Variants in CAPN13 observed in about 807,000 individuals in gnomAD.
The protein encoded by CAPN13 is calpain 13, also known as calpain-13.
In CAPN13, 90 loss-of-function variants were observed where a neutral mutation model predicts 98.4. The observed-to-expected ratio is 0.92, with a 90% CI of 0.77 to 1.09. CAPN13 has a LOEUF of 1.09. Ranked by LOEUF, CAPN13 falls within the 50% of genes least tolerant of loss-of-function variation. CAPN13 has a pLI of 0.00. For synonymous variants in CAPN13, 330 were observed against 305.5 expected (o/e 1.08, Z -0.84); for missense variants, 887 against 841.3 (o/e 1.05, Z -0.67).
intron 11 of CAPN13, among the ~76,000 whole-genome samples, chr2:30,750,303 T>C (rs919898162): frequency 6.6e-6 from 1 of 151,994 alleles, no homozygotes; most frequent in Non-Finnish European, 1.5e-5. Flanking sequence ...TGGGATCTAC[T>C]TGAGTGGGGA....
At chr2:30,763,502 T>C (rs1219554648) in intron 6 of CAPN13, among the ~76,000 whole-genome samples, 1 of 152,200 alleles carries the variant, frequency 6.6e-6, no homozygotes, top group African/African-American at 2.4e-5. Context: ...GACCCCCACA[T>C]TGGGAGTAAC....
intron 2 of CAPN13, among the ~76,000 whole-genome samples, chr2:30,785,456 C>T (rs183648770): frequency 1.1e-3 from 174 of 152,290 alleles, no homozygotes; most frequent in African/African-American, 3.4e-3. Context: ...AAAAATACCC[C>T]TGTCCCCAGT....
intron 7 of CAPN13, among the ~76,000 whole-genome samples, chr2:30,759,393 G>C (rs570281691): frequency 6.6e-6 from 1 of 152,278 alleles, no homozygotes; most frequent in South Asian, 2.1e-4. Flanking sequence ...GCCAACCCTT[G>C]AATCTGCATC....
At chr2:30,743,087 GCT>G in intron 13 of CAPN13, 1 of 421,300 alleles carries the variant, frequency 2.4e-6, no homozygotes. Context: ...TCAAAGCCCA[GCT>G]CACGTGTCAT....
At chr2:30,758,751 C>T (rs1672593133) in intron 7 of CAPN13, among the ~76,000 whole-genome samples, 1 of 139,576 alleles carries the variant, frequency 7.2e-6, no homozygotes, top group African/African-American at 2.8e-5. Context: ...AACTTCCCTC[C>T]CTCCCTCTCT....
chr2:30,795,399 T>C (rs539912507), intron 1 of CAPN13, among the ~76,000 whole-genome samples: 1 of 152,220 alleles, frequency 6.6e-6, no homozygotes, highest in Admixed American at 6.5e-5. Context: ...AGAGTTGCCA[T>C]TGCTATATAT....
chr2:30,729,628 T>A (rs1005765913), intron 22 of CAPN13: 1 of 152,194 alleles, frequency 6.6e-6, no homozygotes, highest in Non-Finnish European at 1.5e-5. Context: ...GAAATATGAT[T>A]GGGTCAAATT....
intron 5 of CAPN13, among the ~76,000 whole-genome samples, chr2:30,766,894 T>C (rs1378643752): frequency 6.6e-6 from 1 of 152,162 alleles, no homozygotes; most frequent in African/African-American, 2.4e-5. Flanking sequence ...GCAAGGAGAA[T>C]AGAAAGTTTA....
At chr2:30,723,574 T>C (rs1046069300) in intron 22 of CAPN13, among the ~76,000 whole-genome samples, 2 of 152,004 alleles carry the variant, frequency 1.3e-5, no homozygotes, top group East Asian at 1.9e-4. Context: ...GTTCCTCCCA[T>C]CTCCAGGCAG....
chr2:30,780,411 G>C (rs114288731), intron 2 of CAPN13, among the ~76,000 whole-genome samples: 309 of 152,376 alleles, frequency 2.0e-3, no homozygotes, highest in African/African-American at 7.0e-3. Flanking sequence ...TGCAAGGATA[G>C]TTTCACATCA....
Position 30,762,512 on chromosome 2 carries a change from C to T in CAPN13, c.774+570G>A, listed in dbSNP as rs535502846. On this transcript the variant is annotated intron_variant, in intron 7 of 22. Transcript: ENST00000295055. ...TTCCAATTCATGCCTTCTATATGGACGTATGAGTGTCTCCTGGCCTCTTTC... is the reference window on the plus strand; with the variant it reads ...TTCCAATTCATGCCTTCTATATGGATGTATGAGTGTCTCCTGGCCTCTTTC... Among the ~76,000 whole-genome samples the T allele has an allele frequency of 3.9e-5, 6 of 152,232 alleles. No homozygotes were observed. The South Asian group carries it at 6.2e-4, about 16-fold the overall frequency.
chr2:30,802,861 G>A, intron 1 of CAPN13, among the ~76,000 whole-genome samples: 1 of 152,218 alleles, frequency 6.6e-6, no homozygotes, highest in Non-Finnish European at 1.5e-5. Context: ...TCCAGAACAG[G>A]CAGGGAGCTG....
At chr2:30,731,488 C>T (rs1671093712) in intron 20 of CAPN13, 89 bp from the exon 21 acceptor site, 1 of 1,137,538 alleles carries the variant, frequency 8.8e-7, no homozygotes, top group African/African-American at 1.6e-5. Context: ...ATAAGAAGCA[C>T]AGGAGGTGAT....
At chr2:30,801,959 C>T (rs1675306316) in intron 1 of CAPN13, among the ~76,000 whole-genome samples, 1 of 152,198 alleles carries the variant, frequency 6.6e-6, no homozygotes, top group Non-Finnish European at 1.5e-5. Context: ...ATGTGACTCT[C>T]AGATGGAGCT....
chr2:30,747,693 C>T (rs1437648804), intron 11 of CAPN13, among the ~76,000 whole-genome samples: 1 of 152,208 alleles, frequency 6.6e-6, no homozygotes, highest in Non-Finnish European at 1.5e-5. Flanking sequence ...GCACTGGAGC[C>T]CTGGAACTCC....
At chr2:30,785,017 A>G (rs1474767729) in intron 2 of CAPN13, among the ~76,000 whole-genome samples, 1 of 152,166 alleles carries the variant, frequency 6.6e-6, no homozygotes, top group Admixed American at 6.5e-5. Flanking sequence ...GGGTGAGTAC[A>G]TTGGCTTTTT....
intron 5 of CAPN13, among the ~76,000 whole-genome samples, chr2:30,769,320 A>C (rs1445970744): frequency 6.6e-6 from 1 of 151,266 alleles, no homozygotes; most frequent in Non-Finnish European, 1.5e-5. Flanking sequence ...CTGGGTGCAC[A>C]CTCCCTCCCG....
intron 12 of CAPN13, 105 bp downstream of exon 12, chr2:30,745,618 T>C (rs1671868712): frequency 8.7e-7 from 1 of 1,143,040 alleles, no homozygotes; most frequent in Non-Finnish European, 1.3e-6. Context: ...CGAGACTGAA[T>C]TTGCAGCCAC....
intron 2 of CAPN13, among the ~76,000 whole-genome samples, chr2:30,779,059 C>T (rs1673850318): frequency 6.6e-6 from 1 of 152,212 alleles, no homozygotes; most frequent in Non-Finnish European, 1.5e-5. Flanking sequence ...CAAAGGAGGC[C>T]TGCTGTCAAA....
Sources: allele counts gnomAD v4.1 joint callset (sites outside exome capture counted in the v4.1 genomes callset), GRCh38; gene constraint gnomAD v4.1.1; transcripts MANE v1.5; gene names NCBI Gene and HGNC (gene_info 2026-07-23, HGNC 2026-07-21).